The following KSR1 variants were observed in gnomAD, a reference collection of about 807,000 sequenced individuals.
The protein encoded by KSR1 is kinase suppressor of ras.
In KSR1, 35 loss-of-function variants were observed where a neutral mutation model predicts 92.9. That is an observed-to-expected ratio of 0.38 (90% CI 0.29 to 0.50). KSR1 has a LOEUF of 0.50. KSR1 is among the 20% of genes least tolerant of loss of function. KSR1 has a pLI of 0.94. For synonymous variants in KSR1, 467 were observed against 472.6 expected, an observed-to-expected ratio of 0.99 and a Z score of 0.15; for missense variants, 972 against 1,158.5, an observed-to-expected ratio of 0.84 and a Z score of 2.34.
chr17:27,526,058 C>T (rs369456991), intron 1 of KSR1, among the ~76,000 whole-genome samples: 599 of 50,708 alleles, frequency 0.012, 2 homozygotes, highest in Non-Finnish European at 0.015. Context: ...CTCTCTCTCT[C>T]TCTCTTTCTT....
intron 1 of KSR1, among the ~76,000 whole-genome samples, chr17:27,486,771 A>T (rs2068678058): frequency 6.6e-6 from 1 of 152,076 alleles, no homozygotes; most frequent in African/African-American, 2.4e-5. Flanking sequence ...TTGGGGTTGG[A>T]GTGGCCTGGG....
At chr17:27,617,191 A>T (rs1213557598) in intron 18 of KSR1, 104 bp from the exon 19 acceptor site, 108 of 1,280,840 alleles carry the variant, frequency 8.4e-5, no homozygotes, top group Non-Finnish European at 1.1e-4. Context: ...CGCCAGTTAG[A>T]GGGCACTTGA....
At position 27,590,899 on chromosome 17, in the gene KSR1, T is replaced by G. The variant is rs1157086352; in HGVS notation, c.1130+5T>G. ...AGTGAAGTGCAAGCATTGCAGGTGA[T>G]GGGAAGAGGAGTGGGGGTGGGGGGA... On this transcript the variant is annotated splice_donor_5th_base_variant and intron_variant, in intron 7 of 20. Coordinates refer to ENST00000644974, the MANE Select transcript of KSR1 (RefSeq NM_001394583.1). 6 of 1,604,866 alleles carry G rather than the reference T, an allele frequency of 3.7e-6. No homozygotes were observed. Among genetic ancestry groups the G allele is most frequent in the Non-Finnish European group, 5.1e-6 (6 of 1,175,428 alleles).
chr17:27,497,317 C>A (rs115739302), intron 1 of KSR1, among the ~76,000 whole-genome samples: 1 of 152,220 alleles, frequency 6.6e-6, no homozygotes, highest in African/African-American at 2.4e-5. Flanking sequence ...ATCCTCTTAT[C>A]GTGGGACCAG....
chr17:27,588,202 C>A, intron 5 of KSR1: 1 of 272,018 alleles, frequency 3.7e-6, no homozygotes, highest in Admixed American at 5.3e-5. Context: ...AGCCTGCCTT[C>A]TTCCTCATCT....
chr17:27,622,033 AC>A, intron 20 of KSR1: 1 of 1,114,076 alleles, frequency 9.0e-7, no homozygotes, highest in Non-Finnish European at 1.4e-6. Flanking sequence ...GCGGGCACTA[AC>A]CCAGGGGATG....
Position 27,607,983 on chromosome 17 carries a change from G to A in KSR1, c.2064G>A (p.Thr688=), listed in dbSNP as rs564032376. Residue 688 remains threonine (T), a synonymous_variant, in exon 15 of 21, where the codon ACG becomes ACA. Transcript: ENST00000644974. ...DPKTSLDINK[T]RQIAQEIIKG... is the part of the protein sequence containing the mutation. ...AGACGTCTCTGGACATCAACAAGAC[G>A]AGGCAAATCGCTCAGGAGATCATCA... 2.1e-5 allele frequency: 34 copies of A among 1,609,760 alleles called. No individual in the cohort carries two copies. The East Asian group carries it at 5.4e-4, about 25-fold the overall frequency.
rs1423855414 is a variant in KSR1, at chr17:27,605,679, G to A, written c.1860G>A (p.Glu620=). The change falls in exon 14 of 21, where the codon GAG becomes GAA. Residue 620 remains glutamate, a synonymous_variant. Transcript: ENST00000644974. ...GCGAGGTGGCCATTCGCCTGCTGGAGATGGACGGCCACAACCAGGACCACC... is the reference window on the plus strand; with the variant it reads ...GCGAGGTGGCCATTCGCCTGCTGGAAATGGACGGCCACAACCAGGACCACC... ...WHGEVAIRLL[E]MDGHNQDHLK... 18 of 1,612,630 alleles carry A rather than the reference G, an allele frequency of 1.1e-5. No individual in the cohort carries two copies. Among genetic ancestry groups the A allele is most frequent in the Admixed American group, 1.7e-5 (1 of 59,982 alleles).
intron 1 of KSR1, among the ~76,000 whole-genome samples, chr17:27,466,394 T>C (rs563866738): frequency 6.6e-6 from 1 of 152,212 alleles, no homozygotes; most frequent in Non-Finnish European, 1.5e-5. Flanking sequence ...CTTAAATACA[T>C]GTATCACTGA....
At chr17:27,607,207 A>G (rs965674333) in intron 14 of KSR1, among the ~76,000 whole-genome samples, 1 of 152,188 alleles carries the variant, frequency 6.6e-6, no homozygotes, top group East Asian at 1.9e-4. Flanking sequence ...GGACACAGAT[A>G]AGGAAATCAC....
intron 1 of KSR1, among the ~76,000 whole-genome samples, chr17:27,549,733 G>A (rs1305930800): frequency 6.6e-6 from 1 of 152,206 alleles, no homozygotes; most frequent in African/African-American, 2.4e-5. Context: ...AGTGGTCATG[G>A]CTACACTTGT....
intron 1 of KSR1, among the ~76,000 whole-genome samples, chr17:27,524,602 T>G (rs968282102): frequency 2.6e-5 from 4 of 152,088 alleles, no homozygotes; most frequent in African/African-American, 9.7e-5. Flanking sequence ...CAAAGGGGCT[T>G]GTAGAGCATG....
chr17:27,558,764 T>C (rs935636964), intron 2 of KSR1, among the ~76,000 whole-genome samples: 8 of 151,954 alleles, frequency 5.3e-5, no homozygotes, highest in African/African-American at 1.9e-4. Context: ...TTCCTTTTGC[T>C]AACCTGATAG....
At chr17:27,598,333 G>C (rs2073420807) in intron 10 of KSR1, among the ~76,000 whole-genome samples, 2 of 152,166 alleles carry the variant, frequency 1.3e-5, no homozygotes, top group Admixed American at 1.3e-4. Context: ...CCTGTCTCTG[G>C]CCTCTGGAGC....
intron 1 of KSR1, among the ~76,000 whole-genome samples, chr17:27,520,629 T>A (rs1434330435): frequency 6.6e-6 from 1 of 152,240 alleles, no homozygotes; most frequent in Non-Finnish European, 1.5e-5. Context: ...ACGGGCACAG[T>A]GGAGCTTTGT....
At chr17:27,511,393 C>T (rs749573451) in intron 1 of KSR1, among the ~76,000 whole-genome samples, 5 of 152,096 alleles carry the variant, frequency 3.3e-5, no homozygotes, top group African/African-American at 9.7e-5. Context: ...GGTGCTGCTG[C>T]GCATTGAGGG....
rs759881323 is a variant in KSR1 at position 27,604,664 on chromosome 17, C to T, written c.1566-16C>T. ...TGTTCCTCAAGGTCTCCTTGACAAA[C>T]CTTGTTTACTCTTAGGCTCGATGAC... On this transcript the variant is annotated splice_polypyrimidine_tract_variant and intron_variant, in intron 12 of 20. Transcript: ENST00000644974. 6 of 1,613,858 alleles carry T rather than the reference C, an allele frequency of 3.7e-6. No homozygotes were observed. In the Admixed American group the frequency reaches 8.3e-5, roughly 22 times the overall value.
Position 27,583,101 on chromosome 17 carries a change from A to C in KSR1, c.976A>C (p.Met326Leu), listed in dbSNP as rs1258233533. Residue 326 changes from methionine to leucine, a missense_variant, in exon 4 of 21, where the codon ATG (methionine) becomes CTG (leucine). By Grantham distance (15) the Met-to-Leu change is conservative. Coordinates refer to ENST00000644974, the MANE Select transcript of KSR1 (RefSeq NM_001394583.1). ...GAACCGCATTGATGACGTCTCCTCG[A>C]TGAGGTGAGTGCTCCTTCTGGGCAG... is the stretch of plus-strand genomic sequence containing the variant. ...LGNRIDDVSSMRFDLSHGSPQ... is the reference protein window; with the variant it reads ...LGNRIDDVSSLRFDLSHGSPQ... 1 of 1,548,234 alleles carries C rather than the reference A, an allele frequency of 6.5e-7. No individual in the cohort carries two copies. The highest frequency in any genetic ancestry group is 8.7e-7 in the Non-Finnish European group (1 of 1,143,868).
chr17:27,509,714 C>G (rs1476139328), intron 1 of KSR1, among the ~76,000 whole-genome samples: 2 of 152,176 alleles, frequency 1.3e-5, no homozygotes, highest in Non-Finnish European at 2.9e-5. Context: ...GTTGTGCATG[C>G]TTATAGTCCC....
Sources: allele counts gnomAD v4.1 joint callset (sites outside exome capture counted in the v4.1 genomes callset), GRCh38; gene constraint gnomAD v4.1.1; transcripts MANE v1.5; gene names NCBI Gene and HGNC (gene_info 2026-07-23, HGNC 2026-07-21).